Variants in NEDD4L observed in about 807,000 individuals in gnomAD.
The protein encoded by NEDD4L is E3 ubiquitin-protein ligase NEDD4-like.
NEDD4L carries 54 observed loss-of-function variants against 148.9 expected under a neutral mutation model. The ratio of observed to expected loss-of-function variants is 0.36; its 90% CI spans 0.29 to 0.45. The LOEUF is 0.45. NEDD4L is among the 20% of genes least tolerant of loss of function. The pLI is 1.00. For synonymous variants in NEDD4L, 433 were observed against 440.7 expected (o/e 0.98, Z 0.22); for missense variants, 856 against 1,233.8 (o/e 0.69, Z 4.59).
intron 2 of NEDD4L, among the ~76,000 whole-genome samples, chr18:58,242,942 A>G (rs932088210): frequency 6.6e-6 from 1 of 152,182 alleles, no homozygotes; most frequent in African/African-American, 2.4e-5. Context: ...ATACCTTAGT[A>G]CCTACCTGGA....
At chr18:58,305,976 C>T (rs1467292032) in intron 5 of NEDD4L, among the ~76,000 whole-genome samples, 1 of 152,164 alleles carries the variant, frequency 6.6e-6, no homozygotes, top group East Asian at 1.9e-4. Flanking sequence ...TTATTTTGTC[C>T]TCCAGTGGCT....
chr18:58,256,292 G>C lies in NEDD4L; in HGVS notation c.297+4238G>C, dbSNP rs190007. On this transcript the variant is annotated intron_variant, in intron 5 of 30. Coordinates refer to ENST00000400345, the MANE Select transcript of NEDD4L (RefSeq NM_001144967.3). The surrounding 1 kb of genome is among the most constrained non-coding windows in gnomAD (Gnocchi z 5.2). ...GGGCCCCGATGGCCAGGGCGGCCCG[G>C]CCGCGGCAGAGCCCAGGCGCTGGTC... The C allele has an allele frequency of 1.5e-5, 18 of 1,231,482 alleles. No homozygotes were observed. The highest frequency in any genetic ancestry group is 1.7e-5 in the Non-Finnish European group (17 of 987,786). The allele number at this position is 1,231,482 out of a possible 1,614,324, so 76.3% of individuals were successfully genotyped here. A position where few individuals can be genotyped will look rare whatever the true frequency, so the allele number is the denominator to read the frequency against.
chr18:58,285,190 G>A (rs1367275226), intron 5 of NEDD4L, among the ~76,000 whole-genome samples: 1 of 152,150 alleles, frequency 6.6e-6, no homozygotes, highest in Admixed American at 6.5e-5. Context: ...CCCTGATTGT[G>A]TGTGTGCGCA....
intron 1 of NEDD4L, among the ~76,000 whole-genome samples, chr18:58,121,350 C>T (rs566162494): frequency 6.6e-6 from 1 of 152,208 alleles, no homozygotes; most frequent in African/African-American, 2.4e-5. Context: ...ATTTTAGAAC[C>T]CTTCTGAATG....
rs55916532 is a variant in NEDD4L, at chr18:58,084,671, TTGTGTG to T, written c.48+39997_48+40002del. Among the ~76,000 whole-genome samples the T allele has an allele frequency of 1.5e-3, 203 of 133,818 alleles. 2 individuals are homozygous for T. Among genetic ancestry groups the T allele is most frequent in the South Asian group, 0.013 (51 of 3,900 alleles). The allele number at this position is 133,818 out of a possible 152,430, so 87.8% of individuals were successfully genotyped here. On this transcript the variant is annotated intron_variant, in intron 1 of 30. Transcript: ENST00000400345. Reference sequence around the variant, plus strand: ...CTTCTCACTATATCTTGTGGGGTTTTTGTGTGTGTGTGTGTGTGTGTGTGTGTGTGT... The same window carrying T: ...CTTCTCACTATATCTTGTGGGGTTTTTGTGTGTGTGTGTGTGTGTGTGTGT...
At chr18:58,226,722 C>T (rs1325268056) in intron 2 of NEDD4L, among the ~76,000 whole-genome samples, 1 of 152,164 alleles carries the variant, frequency 6.6e-6, no homozygotes, top group Non-Finnish European at 1.5e-5. Context: ...GGGCACTGTG[C>T]TAGAGGGTGT....
intron 2 of NEDD4L, among the ~76,000 whole-genome samples, chr18:58,202,280 G>C (rs559706640): frequency 3.8e-4 from 58 of 152,340 alleles, no homozygotes; most frequent in African/African-American, 1.4e-3. Flanking sequence ...CAGGTCTCCT[G>C]TTCCCTGCCT....
intron 2 of NEDD4L, among the ~76,000 whole-genome samples, chr18:58,177,265 G>A (rs1568333323): frequency 1.3e-5 from 2 of 152,126 alleles, no homozygotes; most frequent in Admixed American, 6.5e-5. Flanking sequence ...CTTTTCTTGC[G>A]GGGAGGAAGG....
rs2057997996 is a variant in NEDD4L, at chr18:58,314,088, TAC to T, written c.298-1892_298-1891del. Among the ~76,000 whole-genome samples the T allele has an allele frequency of 2.6e-5, 4 of 152,298 alleles. No individual in the cohort carries two copies. In the South Asian group the frequency reaches 8.3e-4, roughly 32 times the overall value. On this transcript the variant is annotated intron_variant, in intron 5 of 30. Coordinates refer to ENST00000400345, the MANE Select transcript of NEDD4L (RefSeq NM_001144967.3). ...TTCAGTGAATTTCTTTTTTTTATAGTACAGTTAACTGATATTTATATTAGCTT... is the reference window on the plus strand; with the variant it reads ...TTCAGTGAATTTCTTTTTTTTATAGTAGTTAACTGATATTTATATTAGCTT...
intron 2 of NEDD4L, among the ~76,000 whole-genome samples, chr18:58,200,876 C>G (rs1264893415): frequency 1.3e-5 from 2 of 152,226 alleles, no homozygotes; most frequent in Non-Finnish European, 2.9e-5. Flanking sequence ...GAATCTATTA[C>G]TTTGCAGTAG....
At chr18:58,338,277 C>T (rs545036744) in intron 13 of NEDD4L, among the ~76,000 whole-genome samples, 1 of 152,342 alleles carries the variant, frequency 6.6e-6, no homozygotes, top group Non-Finnish European at 1.5e-5. Flanking sequence ...GGAACATGCT[C>T]ACAAGCACAG....
intron 21 of NEDD4L, among the ~76,000 whole-genome samples, 184 bp from the exon 22 acceptor site, chr18:58,367,562 C>A (rs1335868060): frequency 6.6e-6 from 1 of 152,224 alleles, no homozygotes; most frequent in Non-Finnish European, 1.5e-5. Context: ...GCACATGCGT[C>A]AGCCTCCATG....
intron 5 of NEDD4L, among the ~76,000 whole-genome samples, chr18:58,273,479 C>T (rs2051383344): frequency 6.6e-6 from 1 of 152,142 alleles, no homozygotes. Context: ...GATATCTTGC[C>T]TTTCCTGAGA....
chr18:58,083,063 T>C (rs1030444120), intron 1 of NEDD4L, among the ~76,000 whole-genome samples: 1 of 152,180 alleles, frequency 6.6e-6, no homozygotes. Flanking sequence ...TTAAGATTTC[T>C]AAGGGTAGAG....
intron 1 of NEDD4L, among the ~76,000 whole-genome samples, chr18:58,106,772 G>T (rs1187391380): frequency 6.6e-6 from 1 of 152,180 alleles, no homozygotes; most frequent in Non-Finnish European, 1.5e-5. Flanking sequence ...AAGGGCAATT[G>T]TCATACCTAT....
chr18:58,090,613 G>T (rs1037761738), intron 1 of NEDD4L, among the ~76,000 whole-genome samples: 1 of 152,148 alleles, frequency 6.6e-6, no homozygotes, highest in Non-Finnish European at 1.5e-5. Flanking sequence ...AAATAGCTGG[G>T]ACTGCAGGTG....
chr18:58,049,514 C>G (rs557797201), intron 1 of NEDD4L, among the ~76,000 whole-genome samples: 31 of 152,234 alleles, frequency 2.0e-4, no homozygotes, highest in Non-Finnish European at 3.8e-4. Flanking sequence ...AAGGCTTGCC[C>G]AGTCATGCCA....
intron 2 of NEDD4L, among the ~76,000 whole-genome samples, chr18:58,213,205 C>T (rs1010853287): frequency 6.6e-6 from 1 of 152,074 alleles, no homozygotes; most frequent in African/African-American, 2.4e-5. Flanking sequence ...AACTATCATA[C>T]CTTTCTTCTA....
rs2050716237 is a variant in NEDD4L, at chr18:58,399,517, T to C, written c.*3248T>C. Reference sequence around the variant, plus strand: ...TATTGTTATTTCTGAGACAGAGTCTTGCTCTGTAGCTCAGGCTGGAGTGCA... The same window carrying C: ...TATTGTTATTTCTGAGACAGAGTCTCGCTCTGTAGCTCAGGCTGGAGTGCA... On this transcript the variant is annotated 3_prime_UTR_variant, in exon 31 of 31. Coordinates refer to ENST00000400345, the MANE Select transcript of NEDD4L (RefSeq NM_001144967.3). 2 of 152,368 alleles carry C rather than the reference T, an allele frequency of 1.3e-5. No homozygotes were observed. The highest frequency in any genetic ancestry group is 1.3e-4 in the Admixed American group (2 of 15,300). 9.4% of individuals were successfully genotyped at this position (152,368 alleles called of 1,614,324 possible).
Sources: allele counts gnomAD v4.1 joint callset (sites outside exome capture counted in the v4.1 genomes callset), GRCh38; gene constraint gnomAD v4.1.1; non-coding constraint Gnocchi (gnomAD v3.1); transcripts MANE v1.5; gene names NCBI Gene and HGNC (gene_info 2026-07-23, HGNC 2026-07-21).